The following ST6GALNAC5 variants were observed in gnomAD, a reference collection of about 807,000 sequenced individuals.
The protein encoded by ST6GALNAC5 is alpha-N-acetylgalactosaminide alpha-2,6-sialyltransferase 5.
A neutral mutation model predicts 33.6 loss-of-function variants in ST6GALNAC5; 27 were observed. That is an observed-to-expected ratio of 0.80 (90% CI 0.59 to 1.11). The LOEUF (loss-of-function observed/expected upper bound fraction) is 1.11. ST6GALNAC5 is among the 50% of genes least tolerant of loss of function. The probability of loss-of-function intolerance (pLI) is 0.00; values close to 1 mark genes in which losing one functional copy is unlikely to be tolerated. For synonymous variants in ST6GALNAC5, 194 were observed against 171.2 expected, an observed-to-expected ratio of 1.13 and a Z score of -1.04; for missense variants, 428 against 454.0, an observed-to-expected ratio of 0.94 and a Z score of 0.52.
chr1:76,932,667 G>A (rs1647156627), intron 2 of ST6GALNAC5, among the ~76,000 whole-genome samples: 1 of 152,100 alleles, frequency 6.6e-6, no homozygotes, highest in African/African-American at 2.4e-5. Flanking sequence ...CCAGCAAAGT[G>A]AGAAACCTGA....
Position 77,065,653 on chromosome 1 carries a change from T to C in ST6GALNAC5, c.*2447T>C, listed in dbSNP as rs1276904622. 6.6e-6 allele frequency: 1 copy of C among 152,228 alleles called. No homozygotes were observed. Among genetic ancestry groups the C allele is most frequent in the Non-Finnish European group, 1.5e-5 (1 of 68,034 alleles). The allele number at this position is 152,228 out of a possible 1,614,324, so 9.4% of individuals were successfully genotyped here. On this transcript the variant is annotated 3_prime_UTR_variant, in exon 5 of 5. Transcript: ENST00000477717. ...TTGAATTCTTGTCTTCCCACTACCA[T>C]TTCATGACTGTCGTCTGAACACTAT...
intron 2 of ST6GALNAC5, among the ~76,000 whole-genome samples, chr1:76,999,639 C>T (rs575081260): frequency 2.0e-5 from 3 of 151,042 alleles, no homozygotes; most frequent in East Asian, 2.0e-4. Flanking sequence ...ATCCCTCCCC[C>T]CTGCCCCCAC....
intron 2 of ST6GALNAC5, among the ~76,000 whole-genome samples, chr1:76,981,165 G>A (rs1044881260): frequency 6.6e-6 from 1 of 151,848 alleles, no homozygotes; most frequent in Admixed American, 6.6e-5. Flanking sequence ...GCCCAGAGAG[G>A]GCGAGCTGAA....
At chr1:76,879,202 AG>A (rs1653721209) in intron 2 of ST6GALNAC5, among the ~76,000 whole-genome samples, 1 of 152,128 alleles carries the variant, frequency 6.6e-6, no homozygotes, top group South Asian at 2.1e-4. Context: ...AATCTCCCTA[AG>A]CCTTTGGGTC....
chr1:77,036,787 T>C lies in ST6GALNAC5; in HGVS notation c.262-7417T>C, dbSNP rs557844905. Among the ~76,000 whole-genome samples, 93 of 152,398 alleles carry C rather than the reference T, an allele frequency of 6.1e-4. No homozygotes were observed. The Middle Eastern group carries it at 0.01, about 17-fold the overall frequency. On this transcript the variant is annotated intron_variant, in intron 2 of 4. Coordinates refer to ENST00000477717, the MANE Select transcript of ST6GALNAC5 (RefSeq NM_030965.3). ...GCACTGTCCTTGGTGCTGAAGATAC[T>C]GTGTGAATAACACAAAGTCCCTCCT... is the stretch of plus-strand genomic sequence containing the variant.
intron 2 of ST6GALNAC5, among the ~76,000 whole-genome samples, chr1:76,926,329 C>T (rs942252084): frequency 1.2e-4 from 18 of 152,068 alleles, no homozygotes; most frequent in African/African-American, 2.4e-4. Context: ...ACTCAACTAT[C>T]ACCCAGCGGC....
At chr1:76,882,554 C>T (rs1653805200) in intron 2 of ST6GALNAC5, among the ~76,000 whole-genome samples, 1 of 152,088 alleles carries the variant, frequency 6.6e-6, no homozygotes, top group African/African-American at 2.4e-5. Flanking sequence ...GAAAAGGAAA[C>T]TTTTTTAGTA....
intron 2 of ST6GALNAC5, among the ~76,000 whole-genome samples, chr1:76,894,357 C>T (rs1654078520): frequency 6.6e-6 from 1 of 152,150 alleles, no homozygotes; most frequent in African/African-American, 2.4e-5. Flanking sequence ...CCTGCCACCA[C>T]CCCTGTGGCA....
chr1:76,949,639 G>C (rs1267547507), intron 2 of ST6GALNAC5, among the ~76,000 whole-genome samples: 1 of 151,992 alleles, frequency 6.6e-6, no homozygotes, highest in African/African-American at 2.4e-5. Flanking sequence ...CTGTAATTGA[G>C]GTCATCAGTC....
chr1:76,901,889 T>C (rs910028475), intron 2 of ST6GALNAC5, among the ~76,000 whole-genome samples: 13 of 152,308 alleles, frequency 8.5e-5, no homozygotes, highest in Admixed American at 3.9e-4. Flanking sequence ...TAACAAATAT[T>C]ATACATGATA....
intron 1 of ST6GALNAC5, 25 bp downstream of exon 1, chr1:76,867,715 C>T (rs772129151): frequency 1.2e-6 from 2 of 1,613,992 alleles, no homozygotes; most frequent in Non-Finnish European, 1.7e-6. Context: ...GCAACTCCAC[C>T]GGGCAAAGAG....
chr1:76,895,637 A>T (rs1385144184), intron 2 of ST6GALNAC5, among the ~76,000 whole-genome samples: 2 of 152,248 alleles, frequency 1.3e-5, no homozygotes, highest in South Asian at 2.1e-4. Flanking sequence ...TTCAAGAGTT[A>T]AGAGTGGCAG....
chr1:76,912,605 T>C (rs1252585), intron 2 of ST6GALNAC5, among the ~76,000 whole-genome samples: 69,246 of 146,886 alleles, frequency 0.47, 16,690 homozygotes, highest in African/African-American at 0.57. Context: ...AATCTGGGTG[T>C]TCCTGTATTG....
chr1:76,881,689 C>T (rs867357692), intron 2 of ST6GALNAC5, among the ~76,000 whole-genome samples: 55 of 152,042 alleles, frequency 3.6e-4, no homozygotes, highest in Admixed American at 1.2e-3. Context: ...TGTGTTTCTT[C>T]TAAAATAAGC....
chr1:76,889,700 A>G (rs1462224318), intron 2 of ST6GALNAC5, among the ~76,000 whole-genome samples: 2 of 152,096 alleles, frequency 1.3e-5, no homozygotes, highest in South Asian at 2.1e-4. Flanking sequence ...TTGTCTCACT[A>G]TAATGAATTC....
chr1:77,007,426 A>G (rs1192108798), intron 2 of ST6GALNAC5, among the ~76,000 whole-genome samples: 1 of 152,198 alleles, frequency 6.6e-6, no homozygotes. Flanking sequence ...ACCTGGGTAT[A>G]CAGCTATTGA....
chr1:76,885,724 T>G (rs115607932), intron 2 of ST6GALNAC5, among the ~76,000 whole-genome samples: 2,109 of 152,346 alleles, frequency 0.014, 26 homozygotes, highest in South Asian at 0.028. Flanking sequence ...CTCTAGTAGC[T>G]TAAAAACCCC....
intron 2 of ST6GALNAC5, among the ~76,000 whole-genome samples, chr1:76,949,319 T>A (rs1017954251): frequency 6.6e-6 from 1 of 152,170 alleles, no homozygotes; most frequent in Non-Finnish European, 1.5e-5. Context: ...AGGAGAAAGA[T>A]GATGTTCTGA....
chr1:76,886,029 G>A (rs1189387411), intron 2 of ST6GALNAC5, among the ~76,000 whole-genome samples: 1 of 152,176 alleles, frequency 6.6e-6, no homozygotes, highest in African/African-American at 2.4e-5. Flanking sequence ...TACATATGCA[G>A]CCTCACGTTT....
Sources: allele counts gnomAD v4.1 joint callset (sites outside exome capture counted in the v4.1 genomes callset), GRCh38; gene constraint gnomAD v4.1.1; transcripts MANE v1.5; gene names NCBI Gene and HGNC (gene_info 2026-07-23, HGNC 2026-07-21).